The following RARB variants were observed in gnomAD, a reference collection of about 807,000 sequenced individuals.
RARB encodes the protein retinoic acid receptor beta.
Under a neutral mutation model 51.9 loss-of-function variants are expected in RARB, and 17 were observed. That is an observed-to-expected ratio of 0.33 (90% CI 0.22 to 0.49). The LOEUF is 0.49. Ranked by LOEUF, RARB falls within the 20% of genes least tolerant of loss-of-function variation. The pLI, the probability that RARB is intolerant of heterozygous loss-of-function variation, is 0.99. For synonymous variants in RARB, 215 were observed against 195.4 expected (o/e 1.10, Z -0.84); for missense variants, 369 against 550.8 (o/e 0.67, Z 3.30).
chr3:25,337,711 T>C (rs1705104072), intron 5 of RARB, among the ~76,000 whole-genome samples: 1 of 152,146 alleles, frequency 6.6e-6, no homozygotes, highest in South Asian at 2.1e-4. Context: ...CTCAGCCACC[T>C]CTAACCCTTT....
chr3:25,329,272 C>A (rs1411242185), intron 5 of RARB, among the ~76,000 whole-genome samples: 2 of 152,160 alleles, frequency 1.3e-5, no homozygotes, highest in African/African-American at 4.8e-5. Context: ...GAGGCACCAC[C>A]CAGTAGGGGC....
intron 4 of RARB, among the ~76,000 whole-genome samples, chr3:25,173,540 A>G (rs1158134743): frequency 2.0e-5 from 3 of 152,214 alleles, no homozygotes; most frequent in Non-Finnish European, 4.4e-5. Context: ...TAATTTTATT[A>G]TCTTGGCTAT....
intron 5 of RARB, among the ~76,000 whole-genome samples, chr3:25,384,071 A>C (rs1446287004): frequency 4.6e-5 from 7 of 152,186 alleles, no homozygotes; most frequent in Non-Finnish European, 8.8e-5. Flanking sequence ...ACAGAAACAT[A>C]ATTTAACTTC....
chr3:24,925,655 T>TAA lies in RARB; in HGVS notation c.-380+66920_-380+66921dup, dbSNP rs34972309. 6.4e-3 allele frequency among the ~76,000 whole-genome samples: 674 copies of TAA among 104,732 alleles called. 11 individuals carry two copies. The highest frequency in any genetic ancestry group is 0.021 in the African/African-American group (535 of 25,340). 68.7% of individuals were successfully genotyped at this position (104,732 alleles called of 152,430 possible). A position where few individuals can be genotyped will look rare whatever the true frequency, so the allele number is the denominator to read the frequency against. ...AGCCAGATCCTGTCTTTTTTTTTTTTAAAAAAAAAAAAAAAAAAGCTTATA... is the reference window on the plus strand; with the variant it reads ...AGCCAGATCCTGTCTTTTTTTTTTTTAAAAAAAAAAAAAAAAAAAAGCTTATA... On this transcript the variant is annotated intron_variant, in intron 2 of 11. Transcript: ENST00000383772.
At chr3:25,152,359 T>C (rs1471574874) in intron 4 of RARB, among the ~76,000 whole-genome samples, 2 of 152,224 alleles carry the variant, frequency 1.3e-5, no homozygotes, top group African/African-American at 4.8e-5. Flanking sequence ...CAAAATATTA[T>C]GTTATAAAGC....
intron 5 of RARB, among the ~76,000 whole-genome samples, chr3:25,336,049 A>G: frequency 6.6e-6 from 1 of 151,908 alleles, no homozygotes. Context: ...TTTCACCAGA[A>G]GACACCCCCA....
intron 2 of RARB, among the ~76,000 whole-genome samples, chr3:24,998,343 A>G (rs1232316600): frequency 6.7e-6 from 1 of 149,046 alleles, no homozygotes; most frequent in African/African-American, 2.5e-5. Context: ...TAAAAAAGTT[A>G]TAAATTCATT....
intron 2 of RARB, among the ~76,000 whole-genome samples, chr3:24,886,859 A>G (rs1036477201): frequency 6.6e-6 from 1 of 152,206 alleles, no homozygotes; most frequent in African/African-American, 2.4e-5. Context: ...TTGCTTTCCT[A>G]TATTAAGCTT....
intron 2 of RARB, among the ~76,000 whole-genome samples, chr3:24,937,677 A>G (rs1277479744): frequency 2.6e-5 from 4 of 152,136 alleles, no homozygotes; most frequent in Non-Finnish European, 4.4e-5. Context: ...GATAGCATCA[A>G]AACATTTATT....
chr3:25,017,867 G>T (rs1025165129), intron 2 of RARB, among the ~76,000 whole-genome samples: 1 of 152,098 alleles, frequency 6.6e-6, no homozygotes, highest in Non-Finnish European at 1.5e-5. Flanking sequence ...TTTGGAGGTG[G>T]GGCCTTTGGG....
At chr3:24,833,331 A>G (rs1478487536) in intron 1 of RARB, 1 of 151,830 alleles carries the variant, frequency 6.6e-6, no homozygotes, top group African/African-American at 2.4e-5. Context: ...CACTTTCATG[A>G]TCTCATCTCT....
chr3:25,258,464 T>C (rs190257989), intron 5 of RARB, among the ~76,000 whole-genome samples: 1 of 152,242 alleles, frequency 6.6e-6, no homozygotes, highest in African/African-American at 2.4e-5. Flanking sequence ...GAAATGATTC[T>C]GATAACATGA....
intron 5 of RARB, among the ~76,000 whole-genome samples, chr3:25,195,261 A>C (rs570955327): frequency 1.3e-5 from 2 of 152,058 alleles, no homozygotes; most frequent in East Asian, 3.9e-4. Context: ...TCATCAACCC[A>C]GGCCTAGACT....
intron 3 of RARB, among the ~76,000 whole-genome samples, chr3:25,536,349 G>C (rs1359967479): frequency 6.6e-6 from 1 of 152,120 alleles, no homozygotes; most frequent in African/African-American, 2.4e-5. Context: ...CACGACACTG[G>C]AATAAAGAAT....
chr3:24,919,502 C>T (rs1432652758), intron 2 of RARB, among the ~76,000 whole-genome samples: 3 of 152,208 alleles, frequency 2.0e-5, no homozygotes, highest in Non-Finnish European at 4.4e-5. Flanking sequence ...CCGGCTGTTT[C>T]TGTACCTCAC....
At chr3:25,161,009 G>A in intron 4 of RARB, among the ~76,000 whole-genome samples, 1 of 151,296 alleles carries the variant, frequency 6.6e-6, no homozygotes, top group East Asian at 1.9e-4. Flanking sequence ...TCTCCTTTTT[G>A]TTGTTGTTGT....
chr3:24,891,078 G>T (rs565174084), intron 2 of RARB, among the ~76,000 whole-genome samples: 48 of 152,328 alleles, frequency 3.2e-4, no homozygotes, highest in African/African-American at 1.1e-3. Context: ...TGTCTGGAAA[G>T]TTGTGAACAA....
intron 5 of RARB, among the ~76,000 whole-genome samples, chr3:25,220,881 A>C (rs1701933492): frequency 6.6e-6 from 1 of 152,188 alleles, no homozygotes; most frequent in Non-Finnish European, 1.5e-5. Flanking sequence ...ATGGTCTTTC[A>C]TGGTCTTGGC....
At chr3:25,404,503 G>A (rs1707352141) in intron 5 of RARB, among the ~76,000 whole-genome samples, 1 of 152,074 alleles carries the variant, frequency 6.6e-6, no homozygotes, top group Non-Finnish European at 1.5e-5. Context: ...GTGATTCTAG[G>A]GAATAAATAA....
Sources: gnomAD v4.1 joint callset for allele counts (sites outside exome capture counted in the v4.1 genomes callset) on GRCh38, gnomAD v4.1.1 for gene constraint, MANE v1.5 for transcripts, NCBI Gene and HGNC (gene_info 2026-07-23, HGNC 2026-07-21) for gene names.